The following FAM216B variants were observed in gnomAD, a reference collection of about 807,000 sequenced individuals.
FAM216B encodes the protein protein FAM216B.
A neutral mutation model predicts 12.9 loss-of-function variants in FAM216B; 11 were observed. That is an observed-to-expected ratio of 0.86 (90% CI 0.54 to 1.42). The LOEUF (loss-of-function observed/expected upper bound fraction) is 1.42. Among genes scored for constraint, FAM216B ranks in the 40% most tolerant of loss-of-function variants. FAM216B has a pLI of 0.00. For missense variants in FAM216B, 167 were observed against 162.9 expected, an observed-to-expected ratio of 1.02 and a Z score of -0.14; for synonymous variants, 52 against 57.2, an observed-to-expected ratio of 0.91 and a Z score of 0.41.
intron 1 of FAM216B, among the ~76,000 whole-genome samples, chr13:42,782,830 G>A (rs1373790155): frequency 6.6e-6 from 1 of 152,124 alleles, no homozygotes; most frequent in African/African-American, 2.4e-5. Context: ...ATAGTACAAT[G>A]CTATAAAATT....
At chr13:42,786,415 C>T (rs895891050) in intron 2 of FAM216B, among the ~76,000 whole-genome samples, 7 of 152,184 alleles carry the variant, frequency 4.6e-5, no homozygotes, top group Admixed American at 3.9e-4. Context: ...GTCCAGAGGC[C>T]TGGCATACTT....
In FAM216B at chr13:42,787,029, A is replaced by G. The variant is rs1874120055; in HGVS notation, c.220+146A>G. On this transcript the variant is annotated intron_variant, in intron 3 of 3. Coordinates refer to ENST00000313851, the MANE Select transcript of FAM216B (RefSeq NM_001318932.2). ...ACATAGCTGGTTAGCCAAGTTTCAAAGTGCTTATTCTTGACAATGGAAAGC... is the reference window on the plus strand; with the variant it reads ...ACATAGCTGGTTAGCCAAGTTTCAAGGTGCTTATTCTTGACAATGGAAAGC... The G allele has an allele frequency of 3.1e-6, 4 of 1,279,124 alleles. No homozygotes were observed. In the South Asian group the frequency reaches 6.0e-5, roughly 19 times the overall value. The allele number at this position is 1,279,124 out of a possible 1,614,324, so 79.2% of individuals were successfully genotyped here.
In FAM216B at chr13:42,789,651, TG is replaced by T. The variant is rs1874242181; in HGVS notation, c.*862del. 1 of 151,688 alleles carries T rather than the reference TG, an allele frequency of 6.6e-6. No individual in the cohort carries two copies. The highest frequency in any genetic ancestry group is 6.6e-5 in the Admixed American group (1 of 15,178). 9.4% of individuals were successfully genotyped at this position (151,688 alleles called of 1,614,324 possible). On this transcript the variant is annotated 3_prime_UTR_variant, in exon 4 of 4. Transcript: ENST00000313851. The stretch of plus-strand genomic sequence containing the variant: ...ACCAGAGATTTTGTGTGTGTGTGTG[TG>T]TGTGTGTGTGTGTGTGTTAAAAATC...
chr13:42,783,249 G>A (rs1007868711), intron 1 of FAM216B, among the ~76,000 whole-genome samples: 11 of 152,162 alleles, frequency 7.2e-5, no homozygotes, highest in Non-Finnish European at 1.0e-4. Flanking sequence ...TCAAGACTGC[G>A]GTGAGCTATA....
rs1874290480 is a variant in FAM216B, at chr13:42,790,862, C to T, written c.*2072C>T. ...ATGGCCCCCGGTTGCGGTAGGCAAT[C>T]AATAATACTCTTTGAATAATAATGA... On this transcript the variant is annotated 3_prime_UTR_variant, in exon 4 of 4. Transcript: ENST00000313851. 6.6e-6 allele frequency: 1 copy of T among 152,148 alleles called. No individual in the cohort carries two copies. The highest frequency in any genetic ancestry group is 2.1e-4 in the South Asian group (1 of 4,830). The allele number at this position is 152,148 out of a possible 1,614,324, so 9.4% of individuals were successfully genotyped here.
Position 42,788,586 on chromosome 13 carries a change from C to T in FAM216B, c.221-5C>T. 1 of 1,597,304 alleles carries T rather than the reference C, an allele frequency of 6.3e-7. No individual in the cohort carries two copies. Among genetic ancestry groups the T allele is most frequent in the Non-Finnish European group, 8.5e-7 (1 of 1,172,596 alleles). On this transcript the variant is annotated splice_polypyrimidine_tract_variant and splice_region_variant and intron_variant, in intron 3 of 3. Transcript: ENST00000313851. Reference sequence around the variant, plus strand: ...TTTGAAGTTTCTCTCATTTCTTTCCCCTAGGCTATATTACTCAACGGGAAG... The same window carrying T: ...TTTGAAGTTTCTCTCATTTCTTTCCTCTAGGCTATATTACTCAACGGGAAG...
Position 42,784,071 on chromosome 13 carries a change from G to A in FAM216B, c.4G>A (p.Gly2Arg), listed in dbSNP as rs1873963385. Residue 2 changes from glycine (G) to arginine (R), a missense_variant, in exon 2 of 4, where the codon GGA becomes AGA. Physicochemically the swap from Gly to Arg is moderately radical, Grantham distance 125. Coordinates refer to ENST00000313851, the MANE Select transcript of FAM216B (RefSeq NM_001318932.2). The stretch of plus-strand genomic sequence containing the variant: ...TCTTGGAGGTATAGGATAAACGATG[G>A]GACAAAACTGGAAAAGACAACAAAA... M[G>R]QNWKRQQKLW... 1 of 1,597,710 alleles carries A rather than the reference G, an allele frequency of 6.3e-7. No individual in the cohort carries two copies. Among genetic ancestry groups the A allele is most frequent in the Non-Finnish European group, 8.5e-7 (1 of 1,174,262 alleles).
At position 42,784,109 on chromosome 13, in the gene FAM216B, T is replaced by C. The variant is rs975656030; in HGVS notation, c.42T>C (p.Val14=). 2 of 1,607,426 alleles carry C rather than the reference T, an allele frequency of 1.2e-6. No individual in the cohort carries two copies. The highest frequency in any genetic ancestry group is 1.7e-5 in the Admixed American group (1 of 59,538). Residue 14 remains valine (V), a synonymous_variant, in exon 2 of 4, where the codon GTT becomes GTC. Transcript: ENST00000313851. The stretch of plus-strand genomic sequence containing the variant: ...AAAGACAACAAAAGCTTTGGAATGT[T>C]CCACAACTTCCTTTTATTCGAGTTC... ...NWKRQQKLWN[V]PQLPFIRVPP...
In FAM216B at chr13:42,788,714, GA is replaced by G. The variant is rs1566065135; in HGVS notation, c.345del (p.Arg115SerfsTer44). The G allele has an allele frequency of 6.2e-7, 1 of 1,613,920 alleles. No homozygotes were observed. The highest frequency in any genetic ancestry group is 1.1e-5 in the South Asian group (1 of 91,076). On this transcript the variant is annotated frameshift_variant, in exon 4 of 4. Coordinates refer to ENST00000313851, the MANE Select transcript of FAM216B (RefSeq NM_001318932.2). LOFTEE classifies it low-confidence loss of function (END_TRUNC). Reference protein sequence around the residue: ...IPRKTSAMTRRCPSVLPVSVV... With the variant: ...IPRKTSAMTRXCPSVLPVSVV... ...CGGAAAACTTCAGCCATGACAAGAA[GA>G]TGTCCATCAGTACTACCTGTATCTG...
At position 42,791,533 on chromosome 13, in the gene FAM216B, A is replaced by G. The variant is rs539454781; in HGVS notation, c.*2743A>G. ...TTTATGTATAATTTATATGCAATAAATGCCCTCAAAGTTCAATGAATTTTT... is the reference window on the plus strand; with the variant it reads ...TTTATGTATAATTTATATGCAATAAGTGCCCTCAAAGTTCAATGAATTTTT... On this transcript the variant is annotated 3_prime_UTR_variant, in exon 4 of 4. Transcript: ENST00000313851. 6.6e-6 allele frequency: 1 copy of G among 152,346 alleles called. No homozygotes were observed. Among genetic ancestry groups the G allele is most frequent in the East Asian group, 1.9e-4 (1 of 5,194 alleles). 9.4% of individuals were successfully genotyped at this position (152,346 alleles called of 1,614,324 possible).
rs1365831310 is a variant in FAM216B, at chr13:42,789,615, T to C, written c.*825T>C. 1 of 146,622 alleles carries C rather than the reference T, an allele frequency of 6.8e-6. No individual in the cohort carries two copies. Among genetic ancestry groups the C allele is most frequent in the Non-Finnish European group, 1.5e-5 (1 of 67,174 alleles). 9.1% of individuals were successfully genotyped at this position (146,622 alleles called of 1,614,324 possible). On this transcript the variant is annotated 3_prime_UTR_variant, in exon 4 of 4. Coordinates refer to ENST00000313851, the MANE Select transcript of FAM216B (RefSeq NM_001318932.2). ...GTATTGCATTAGTTATATTTAATGGTTATTTTCATCACCAGAGATTTTGTG... is the reference window on the plus strand; with the variant it reads ...GTATTGCATTAGTTATATTTAATGGCTATTTTCATCACCAGAGATTTTGTG...
intron 2 of FAM216B, among the ~76,000 whole-genome samples, chr13:42,786,009 C>G (rs1874072362): frequency 6.6e-6 from 1 of 152,154 alleles, no homozygotes; most frequent in African/African-American, 2.4e-5. Flanking sequence ...TGTTGAGAGC[C>G]ACTGCCTTAA....
At chr13:42,786,628 T>G in intron 2 of FAM216B, 135 bp from the exon 3 acceptor site, 1 of 1,073,746 alleles carries the variant, frequency 9.3e-7, no homozygotes, top group Non-Finnish European at 1.3e-6. Context: ...TTTCCAATTG[T>G]TGCACATTAA....
At chr13:42,788,266 C>T (rs187333474) in intron 3 of FAM216B, among the ~76,000 whole-genome samples, 12 of 152,226 alleles carry the variant, frequency 7.9e-5, no homozygotes, top group Non-Finnish European at 1.6e-4. Flanking sequence ...TGGTGGTCTG[C>T]AGACTACACG....
rs1874205729 is a variant in FAM216B, at chr13:42,788,984, A to T, written c.*194A>T. On this transcript the variant is annotated 3_prime_UTR_variant, in exon 4 of 4. Transcript: ENST00000313851. ...AGAGCAATGGAGCCGAGAGTAAGCA[A>T]GCCTTTCCACATAACATCCGTAGAG... 6.0e-6 allele frequency: 3 copies of T among 498,556 alleles called. No individual in the cohort carries two copies. The highest frequency in any genetic ancestry group is 1.1e-5 in the Non-Finnish European group (3 of 285,030). 30.9% of individuals were successfully genotyped at this position (498,556 alleles called of 1,614,324 possible).
At chr13:42,785,713 C>A (rs997861789) in intron 2 of FAM216B, among the ~76,000 whole-genome samples, 1 of 152,146 alleles carries the variant, frequency 6.6e-6, no homozygotes, top group Non-Finnish European at 1.5e-5. Flanking sequence ...AAGAAAGTAG[C>A]CTTCTAAATG....
Position 42,782,859 on chromosome 13 carries a change from A to C in FAM216B, c.-15+1195A>C, listed in dbSNP as rs117265629. 2.3e-3 allele frequency among the ~76,000 whole-genome samples: 345 copies of C among 152,360 alleles called. 5 individuals carry two copies. In the East Asian group the frequency reaches 0.039, roughly 17 times the overall value. On this transcript the variant is annotated intron_variant, in intron 1 of 3. Transcript: ENST00000313851. ...TAAAATTGCACATCTAAATTGCAAG[A>C]AGTGGAGAATGACGTAAAGGCATAC... is the stretch of plus-strand genomic sequence containing the variant.
chr13:42,782,029 T>A (rs931400072), intron 1 of FAM216B, among the ~76,000 whole-genome samples: 4 of 152,230 alleles, frequency 2.6e-5, no homozygotes, highest in African/African-American at 7.2e-5. Context: ...TTGGTTGGTA[T>A]GGTTTCTGGA....
intron 2 of FAM216B, 61 bp from the exon 3 acceptor site, chr13:42,786,702 C>T: frequency 7.2e-6 from 11 of 1,527,828 alleles, no homozygotes; most frequent in Non-Finnish European, 9.7e-6. Context: ...CTTTGAGTAT[C>T]ACAATTTGAA....
Sources: gnomAD v4.1 joint callset for allele counts (sites outside exome capture counted in the v4.1 genomes callset) on GRCh38, gnomAD v4.1.1 for gene constraint, MANE v1.5 for transcripts, NCBI Gene and HGNC (gene_info 2026-07-23, HGNC 2026-07-21) for gene names.